POLR1B: variants seen among roughly 807,000 people sequenced by gnomAD.
The protein encoded by POLR1B is RNA polymerase I subunit B.
Under a neutral mutation model 105.8 loss-of-function variants are expected in POLR1B, and 30 were observed. The ratio of observed to expected loss-of-function variants is 0.28; its 90% CI spans 0.21 to 0.38. The LOEUF (loss-of-function observed/expected upper bound fraction) is 0.38. Ranked by LOEUF, POLR1B falls within the 10% of genes least tolerant of loss-of-function variation. POLR1B has a pLI of 1.00. For synonymous variants in POLR1B, 485 were observed against 505.1 expected (o/e 0.96, Z 0.53); for missense variants, 976 against 1,435.8 (o/e 0.68, Z 5.17).
At chr2:112,571,757 TTCTA>T (rs79328311) in intron 12 of POLR1B, among the ~76,000 whole-genome samples, 2 of 152,232 alleles carry the variant, frequency 1.3e-5, no homozygotes, top group Non-Finnish European at 2.9e-5. Context: ...GATTGTGGGT[TTCTA>T]TCTAAGTTGT....
At chr2:112,542,210 A>G (rs1344884960), upstream of POLR1B, 7 of 1,535,660 alleles carry the variant, frequency 4.6e-6, no homozygotes, top group East Asian at 4.9e-5. Context: ...CACCTGCGGC[A>G]TCTTTCGCGA....
At chr2:112,574,165 A>T (rs1187933242) in intron 14 of POLR1B, among the ~76,000 whole-genome samples, 2 of 152,086 alleles carry the variant, frequency 1.3e-5, no homozygotes, top group Non-Finnish European at 2.9e-5. Flanking sequence ...TTTTTTAAAA[A>T]CTGTATTATC....
intron 9 of POLR1B, among the ~76,000 whole-genome samples, chr2:112,560,102 A>G (rs534369323): frequency 6.6e-6 from 1 of 152,020 alleles, no homozygotes; most frequent in East Asian, 1.9e-4. Flanking sequence ...ACTAAGTGTT[A>G]TAGGTACTTT....
chr2:112,570,404 A>G (rs953847448), intron 12 of POLR1B, among the ~76,000 whole-genome samples: 19 of 152,164 alleles, frequency 1.2e-4, no homozygotes, highest in African/African-American at 4.3e-4. Flanking sequence ...TCTGTCTTCT[A>G]CTGAATTTTT....
upstream of POLR1B, chr2:112,542,186 G>C (rs1185190739): frequency 6.5e-6 from 10 of 1,535,738 alleles, no homozygotes; most frequent in Non-Finnish European, 8.7e-6. Context: ...TCAACTGGGC[G>C]GGGAGCGGGT....
At chr2:112,562,455 A>T (rs1447440673) in intron 9 of POLR1B, among the ~76,000 whole-genome samples, 1 of 152,102 alleles carries the variant, frequency 6.6e-6, no homozygotes, top group Non-Finnish European at 1.5e-5. Flanking sequence ...TACCCCGGAG[A>T]TATTGCAGGT....
At position 112,551,823 on chromosome 2, in the gene POLR1B, G is replaced by C. The variant is rs1553410592; in HGVS notation, c.811G>C (p.Gly271Arg). 3 of 1,614,080 alleles carry C rather than the reference G, an allele frequency of 1.9e-6. No homozygotes were observed. The African/African-American group carries it at 4.0e-5, about 22-fold the overall frequency. ...TCAGATCTTTCAGGAGCTCATCAAA[G>C]GAAAAGAGGATGATTCTTTCCTTAG... ...DYQIFQELIKGKEDDSFLRNS... is the reference protein window; with the variant it reads ...DYQIFQELIKRKEDDSFLRNS... The change falls in exon 6 of 15, where the codon GGA becomes CGA. Residue 271 changes from glycine to arginine, a missense_variant. Around this residue, in one of 12 missense-constraint regions of POLR1B, gnomAD observed 452 missense variants for 616.5 expected, o/e 0.73. Coordinates refer to ENST00000263331, the MANE Select transcript of POLR1B (RefSeq NM_019014.6).
intron 6 of POLR1B, among the ~76,000 whole-genome samples, chr2:112,552,400 A>G (rs1288686682): frequency 6.6e-6 from 1 of 152,186 alleles, no homozygotes; most frequent in Non-Finnish European, 1.5e-5. Flanking sequence ...CAAAGCAAGG[A>G]CTTTGTCTTA....
chr2:112,556,598 T>C (rs1683674967), intron 7 of POLR1B, among the ~76,000 whole-genome samples: 1 of 152,214 alleles, frequency 6.6e-6, no homozygotes, highest in Non-Finnish European at 1.5e-5. Flanking sequence ...CAAACACTGA[T>C]AGTTTGAAGA....
Position 112,551,840 on chromosome 2 carries a change from T to C in POLR1B, c.828T>C (p.Ser276=). Residue 276 remains serine (S), a synonymous_variant, in exon 6 of 15, where the codon TCT becomes TCC. Transcript: ENST00000263331. The part of the protein sequence containing the change: ...QELIKGKEDD[S]FLRNSVSQML... The stretch of plus-strand genomic sequence containing the variant: ...TCATCAAAGGAAAAGAGGATGATTC[T>C]TTCCTTAGGAACTCTGTTTCTCAGA... The C allele has an allele frequency of 1.2e-6, 2 of 1,614,184 alleles. No individual in the cohort carries two copies. The highest frequency in any genetic ancestry group is 2.2e-5 in the South Asian group (2 of 91,088).
chr2:112,571,346 G>A (rs1299657457), intron 12 of POLR1B, among the ~76,000 whole-genome samples: 1 of 152,066 alleles, frequency 6.6e-6, no homozygotes, highest in Non-Finnish European at 1.5e-5. Flanking sequence ...ATCCTGTTAG[G>A]GTCCTCTGAA....
At position 112,549,345 on chromosome 2, in the gene POLR1B, A is replaced by T; in HGVS notation, c.571A>T (p.Ile191Phe). The change falls in exon 4 of 15, where the codon ATT (isoleucine) becomes TTT (phenylalanine). Residue 191 changes from isoleucine (I) to phenylalanine (F), a missense_variant. Transcript: ENST00000263331. ...MLIMPRRNFP[I>F]AMIRPKWKTR... ...GATTATGCCTCGGAGAAATTTTCCCATTGCAATGATAAGACCAAAATGGAA... is the reference window on the plus strand; with the variant it reads ...GATTATGCCTCGGAGAAATTTTCCCTTTGCAATGATAAGACCAAAATGGAA... The T allele has an allele frequency of 6.2e-7, 1 of 1,613,826 alleles. No individual in the cohort carries two copies. The highest frequency in any genetic ancestry group is 8.5e-7 in the Non-Finnish European group (1 of 1,179,744).
chr2:112,549,425 T>A, intron 4 of POLR1B, 26 bp downstream of exon 4: 1 of 1,510,840 alleles, frequency 6.6e-7, no homozygotes, highest in African/African-American at 1.4e-5. Context: ...TATTAGAATA[T>A]TTTTTAAGGA....
chr2:112,576,015 G>T lies in POLR1B; in HGVS notation c.*286G>T. The T allele has an allele frequency of 5.2e-6, 2 of 388,338 alleles. No individual in the cohort carries two copies. Among genetic ancestry groups the T allele is most frequent in the Non-Finnish European group, 4.8e-6 (1 of 209,898 alleles). The allele number at this position is 388,338 out of a possible 1,614,324, so 24.1% of individuals were successfully genotyped here. A position where few individuals can be genotyped will look rare whatever the true frequency, so the allele number is the denominator to read the frequency against. ...GTGACAAGTCTCCTTTCCAACCCCA[G>T]GTTCCCTACACCCTGCTCTCAGCAG... is the stretch of plus-strand genomic sequence containing the variant. On this transcript the variant is annotated 3_prime_UTR_variant, in exon 15 of 15. Transcript: ENST00000263331.
intron 9 of POLR1B, among the ~76,000 whole-genome samples, chr2:112,562,627 T>C (rs573074291): frequency 6.6e-6 from 1 of 152,290 alleles, no homozygotes; most frequent in Admixed American, 6.5e-5. Flanking sequence ...AGTTGTAATC[T>C]TTTTGCTGGT....
At chr2:112,562,603 C>T (rs957854922) in intron 9 of POLR1B, among the ~76,000 whole-genome samples, 2 of 152,134 alleles carry the variant, frequency 1.3e-5, no homozygotes, top group Non-Finnish European at 1.5e-5. Flanking sequence ...ATTAAATCAT[C>T]TGACCCTTCA....
In POLR1B at chr2:112,568,731, C is replaced by CATCT. The variant is rs745372338; in HGVS notation, c.1918-14_1918-11dup. 20 of 1,612,734 alleles carry CATCT rather than the reference C, an allele frequency of 1.2e-5. No individual in the cohort carries two copies. The highest frequency in any genetic ancestry group is 1.6e-5 in the Non-Finnish European group (19 of 1,179,474). On this transcript the variant is annotated splice_polypyrimidine_tract_variant and intron_variant, in intron 11 of 14. Transcript: ENST00000263331. The stretch of plus-strand genomic sequence containing the variant: ...AGTTGCAGTTATTTTGTGCCTTGGA[C>CATCT]ATCTGCTCTTCCAGATCTTCATGAA...
At chr2:112,543,954 G>A (rs909895314) in intron 1 of POLR1B, among the ~76,000 whole-genome samples, 1 of 151,130 alleles carries the variant, frequency 6.6e-6, no homozygotes, top group African/African-American at 2.4e-5. Context: ...ATGGTGGTGC[G>A]CACCCAAGTA....
At chr2:112,564,539 T>G in intron 10 of POLR1B, 40 bp downstream of exon 10, 1 of 1,613,020 alleles carries the variant, frequency 6.2e-7, no homozygotes, top group African/African-American at 1.3e-5. Flanking sequence ...TCCCTTGACC[T>G]TAGGTTTTTC....
Sources: gnomAD v4.1 joint callset for allele counts (sites outside exome capture counted in the v4.1 genomes callset) on GRCh38, gnomAD v4.1.1 for gene constraint, gnomAD v4.1.1 regional missense constraint, MANE v1.5 for transcripts, NCBI Gene and HGNC (gene_info 2026-07-23, HGNC 2026-07-21) for gene names.